Variants in DPP10 observed in about 807,000 individuals in gnomAD.
The protein encoded by DPP10 is inactive dipeptidyl peptidase 10.
DPP10 carries 33 observed loss-of-function variants against 120.9 expected under a neutral mutation model. That is an observed-to-expected ratio of 0.27 (90% CI 0.21 to 0.37). DPP10 has a LOEUF of 0.37. Ranked by LOEUF, DPP10 falls within the 10% of genes least tolerant of loss-of-function variation. The probability of loss-of-function intolerance (pLI) is 1.00; values close to 1 mark genes in which losing one functional copy is unlikely to be tolerated. For missense variants in DPP10, 816 were observed against 942.8 expected (o/e 0.87, Z 1.76); for synonymous variants, 337 against 326.1 (o/e 1.03, Z -0.36).
intron 1 of DPP10, among the ~76,000 whole-genome samples, chr2:114,632,070 T>C (rs998611513): frequency 2.6e-5 from 4 of 152,194 alleles, no homozygotes; most frequent in Admixed American, 6.5e-5. Flanking sequence ...TTCTATCCCT[T>C]ATATTTTCTG....
intron 1 of DPP10, among the ~76,000 whole-genome samples, chr2:115,254,538 T>C (rs2058894586): frequency 6.6e-6 from 1 of 152,226 alleles, no homozygotes; most frequent in African/African-American, 2.4e-5. Context: ...CCGCAAAGTC[T>C]TAACTCATTC....
intron 1 of DPP10, among the ~76,000 whole-genome samples, chr2:115,042,283 T>G (rs543399089): frequency 6.6e-6 from 1 of 152,272 alleles, no homozygotes; most frequent in Non-Finnish European, 1.5e-5. Flanking sequence ...ATTATTTTTT[T>G]TTTGACAGGG....
chr2:115,064,140 C>CT lies in DPP10; in HGVS notation c.61-245090dup, dbSNP rs200198783. 3.7e-4 allele frequency among the ~76,000 whole-genome samples: 56 copies of CT among 151,538 alleles called. No individual in the cohort carries two copies. In the East Asian group the frequency reaches 0.01, roughly 28 times the overall value. ...GTTGTTCATTTGTTTTCTCTTCTTT[C>CT]TTTTTTTTTCTTCTTTTCTCTCCCT... is the stretch of plus-strand genomic sequence containing the variant. On this transcript the variant is annotated intron_variant, in intron 1 of 25. Transcript: ENST00000410059.
intron 1 of DPP10, among the ~76,000 whole-genome samples, chr2:114,444,088 C>A (rs960990416): frequency 2.0e-5 from 3 of 152,102 alleles, no homozygotes; most frequent in Non-Finnish European, 4.4e-5. Flanking sequence ...AGGGAGTTAA[C>A]TGAAATCATG....
chr2:115,715,353 A>AG (rs1415783508), intron 7 of DPP10, among the ~76,000 whole-genome samples: 4 of 150,520 alleles, frequency 2.7e-5, no homozygotes, highest in South Asian at 4.2e-4. Context: ...AAAAAAAAAA[A>AG]AAAAAAAAAA....
At chr2:114,650,929 G>A (rs568831348) in intron 1 of DPP10, among the ~76,000 whole-genome samples, 1 of 151,246 alleles carries the variant, frequency 6.6e-6, no homozygotes, top group Admixed American at 6.6e-5. Context: ...TTTTCCTTTT[G>A]TCTAGCTAAC....
chr2:115,633,130 AC>A (rs2086022566), intron 5 of DPP10, among the ~76,000 whole-genome samples: 1 of 152,232 alleles, frequency 6.6e-6, no homozygotes, highest in Non-Finnish European at 1.5e-5. Flanking sequence ...ACACATGCAC[AC>A]GTATGTTTAT....
At chr2:115,539,126 A>T (rs955412164) in intron 5 of DPP10, among the ~76,000 whole-genome samples, 1 of 151,930 alleles carries the variant, frequency 6.6e-6, no homozygotes, top group Non-Finnish European at 1.5e-5. Flanking sequence ...ATTGGAAAAC[A>T]CCTGGGATAC....
At chr2:114,782,595 T>C (rs770488343) in intron 1 of DPP10, among the ~76,000 whole-genome samples, 14 of 152,048 alleles carry the variant, frequency 9.2e-5, no homozygotes, top group Non-Finnish European at 1.9e-4. Context: ...CAATTGAGTG[T>C]TGTTGTTTTC....
At chr2:115,699,165 A>G (rs2091771151) in intron 7 of DPP10, among the ~76,000 whole-genome samples, 1 of 152,130 alleles carries the variant, frequency 6.6e-6, no homozygotes, top group African/African-American at 2.4e-5. Context: ...AATAAACTGG[A>G]TAACCTAGAC....
chr2:114,646,063 G>A (rs988627731), intron 1 of DPP10, among the ~76,000 whole-genome samples: 21 of 151,984 alleles, frequency 1.4e-4, no homozygotes, highest in African/African-American at 5.1e-4. Flanking sequence ...AGGAGGCCGA[G>A]GCAGGAGAAT....
intron 1 of DPP10, among the ~76,000 whole-genome samples, chr2:115,220,217 C>A (rs547374698): frequency 6.6e-6 from 1 of 152,290 alleles, no homozygotes; most frequent in African/African-American, 2.4e-5. Flanking sequence ...AATCATTATT[C>A]TGTATCACCT....
chr2:115,500,868 C>T (rs1363242675), intron 4 of DPP10, among the ~76,000 whole-genome samples: 1 of 151,778 alleles, frequency 6.6e-6, no homozygotes, highest in African/African-American at 2.4e-5. Flanking sequence ...ACTATTTCTT[C>T]AGTGGATGGT....
intron 1 of DPP10, among the ~76,000 whole-genome samples, chr2:115,230,632 A>C (rs2057690815): frequency 1.3e-5 from 2 of 152,058 alleles, no homozygotes; most frequent in Admixed American, 1.3e-4. Context: ...TTCAATTGTA[A>C]TAAGTATTGC....
intron 5 of DPP10, among the ~76,000 whole-genome samples, chr2:115,532,050 G>A (rs1482025420): frequency 6.6e-6 from 1 of 152,022 alleles, no homozygotes; most frequent in Non-Finnish European, 1.5e-5. Context: ...TAATACAGAT[G>A]TACATGAGCA....
At chr2:115,113,486 A>C (rs959300353) in intron 1 of DPP10, among the ~76,000 whole-genome samples, 4 of 152,074 alleles carry the variant, frequency 2.6e-5, no homozygotes, top group African/African-American at 9.7e-5. Context: ...CCTTGGCCCA[A>C]GGAAAACACT....
intron 19 of DPP10, among the ~76,000 whole-genome samples, chr2:115,813,986 T>C (rs1161438478): frequency 6.6e-6 from 1 of 152,228 alleles, no homozygotes. Context: ...GACCTAGATA[T>C]TCTATGTGAT....
At chr2:115,707,201 T>C (rs1474795692) in intron 7 of DPP10, among the ~76,000 whole-genome samples, 2 of 151,756 alleles carry the variant, frequency 1.3e-5, no homozygotes, top group Non-Finnish European at 2.9e-5. Flanking sequence ...AAAAAGTAGA[T>C]AGGAAATCAG....
intron 1 of DPP10, among the ~76,000 whole-genome samples, chr2:115,138,561 A>G (rs1476782576): frequency 6.6e-6 from 1 of 152,238 alleles, no homozygotes; most frequent in Non-Finnish European, 1.5e-5. Flanking sequence ...TTGTTTTAAA[A>G]GACAAGACAA....
Sources: allele counts gnomAD v4.1 joint callset (sites outside exome capture counted in the v4.1 genomes callset), GRCh38; gene constraint gnomAD v4.1.1; transcripts MANE v1.5; gene names NCBI Gene and HGNC (gene_info 2026-07-23, HGNC 2026-07-21).